The following MAP3K5 variants were observed in gnomAD, a reference collection of about 807,000 sequenced individuals.
The protein encoded by MAP3K5 is mitogen-activated protein kinase kinase kinase 5.
Under a neutral mutation model 158.7 loss-of-function variants are expected in MAP3K5, and 56 were observed. That is an observed-to-expected ratio of 0.35 (90% CI 0.28 to 0.44). The LOEUF is 0.44. MAP3K5 is among the 20% of genes least tolerant of loss of function. MAP3K5 has a pLI of 1.00. For missense variants in MAP3K5, 1,294 were observed against 1,674.8 expected (o/e 0.77, Z 3.97); for synonymous variants, 579 against 601.7 (o/e 0.96, Z 0.55).
intron 21 of MAP3K5, among the ~76,000 whole-genome samples, chr6:136,598,797 C>T (rs1368961416): frequency 2.0e-5 from 3 of 152,042 alleles, no homozygotes; most frequent in Non-Finnish European, 4.4e-5. Context: ...TTGTACTCAT[C>T]TAGAAGGAGA....
chr6:136,737,041 A>ATATATATATATATATATATGTGTGTG (rs1562658974), intron 1 of MAP3K5, among the ~76,000 whole-genome samples: 4 of 143,232 alleles, frequency 2.8e-5, no homozygotes, highest in African/African-American at 1.1e-4. Flanking sequence ...GTGTGTGTAT[A>ATATATATATATATATATATGTGTGTG]TATATATATA....
chr6:136,757,568 T>C (rs1783546836), intron 1 of MAP3K5, among the ~76,000 whole-genome samples: 1 of 113,834 alleles, frequency 8.8e-6, no homozygotes. Flanking sequence ...ATTTTATAGA[T>C]TTATTTATTT....
At chr6:136,671,468 C>T (rs1474443182) in intron 7 of MAP3K5, among the ~76,000 whole-genome samples, 1 of 152,144 alleles carries the variant, frequency 6.6e-6, no homozygotes, top group Non-Finnish European at 1.5e-5. Flanking sequence ...ATTAAAAGAG[C>T]ATGTAGGTAT....
chr6:136,600,994 T>A, intron 21 of MAP3K5, 28 bp downstream of exon 21: 2 of 1,613,174 alleles, frequency 1.2e-6, no homozygotes, highest in Non-Finnish European at 1.7e-6. Flanking sequence ...AGGTCTCAGC[T>A]CAATGGGCAA....
chr6:136,700,855 G>A (rs907917772), intron 3 of MAP3K5, among the ~76,000 whole-genome samples: 3 of 152,098 alleles, frequency 2.0e-5, no homozygotes, highest in African/African-American at 7.2e-5. Flanking sequence ...GAGATACGTG[G>A]GACACCCGAC....
intron 1 of MAP3K5, among the ~76,000 whole-genome samples, chr6:136,790,811 G>A (rs922888180): frequency 1.3e-5 from 2 of 152,170 alleles, no homozygotes; most frequent in African/African-American, 4.8e-5. Context: ...GGGACTAAAG[G>A]TTAATTTCCA....
In MAP3K5 at chr6:136,642,517, T is replaced by TA; in HGVS notation, c.1838+2dup. 1 of 1,605,394 alleles carries TA rather than the reference T, an allele frequency of 6.2e-7. No homozygotes were observed. The highest frequency in any genetic ancestry group is 8.5e-7 in the Non-Finnish European group (1 of 1,172,438). On this transcript the variant is annotated splice_region_variant and intron_variant, in intron 12 of 29. Transcript: ENST00000359015. ...GTTAACAAAATGTACCAAGGAAACT[T>TA]ACCTCACTCCCCTGACAGAAGAGGC...
intron 8 of MAP3K5, among the ~76,000 whole-genome samples, chr6:136,665,154 A>AT (rs1317636984): frequency 2.0e-5 from 3 of 152,102 alleles, no homozygotes; most frequent in East Asian, 3.9e-4. Context: ...TAAAATGTAA[A>AT]TTTTTTTTAA....
At chr6:136,699,290 G>A (rs1028376925) in intron 3 of MAP3K5, among the ~76,000 whole-genome samples, 2 of 151,914 alleles carry the variant, frequency 1.3e-5, no homozygotes, top group Admixed American at 6.6e-5. Flanking sequence ...CCATCTTCTC[G>A]GCCAACACTT....
chr6:136,791,889 C>A lies in MAP3K5; in HGVS notation c.269G>T (p.Arg90Leu). The A allele has an allele frequency of 5.0e-6, 8 of 1,613,402 alleles. No individual in the cohort carries two copies. Among genetic ancestry groups the A allele is most frequent in the Non-Finnish European group, 6.8e-6 (8 of 1,179,950 alleles). ...GTTGATCACATATGCCACCGTGGTCCGTCGGCTGCCCCCGCCAACAGAGCT... is the reference window on the plus strand; with the variant it reads ...GTTGATCACATATGCCACCGTGGTCAGTCGGCTGCCCCCGCCAACAGAGCT... ...RGSSVGGGSR[R>L]TTVAYVINEA... The change falls in exon 1 of 30, where the codon CGG becomes CTG. Residue 90 changes from arginine to leucine, a missense_variant. Physicochemically the swap from Arg to Leu is moderately radical, Grantham distance 102. Coordinates refer to ENST00000359015, the MANE Select transcript of MAP3K5 (RefSeq NM_005923.4).
At chr6:136,629,517 C>T (rs1777215141) in intron 14 of MAP3K5, among the ~76,000 whole-genome samples, 3 of 150,954 alleles carry the variant, frequency 2.0e-5, no homozygotes, top group African/African-American at 4.9e-5. Context: ...TGCAGTGGCA[C>T]AATCTCAGCT....
intron 11 of MAP3K5, among the ~76,000 whole-genome samples, chr6:136,647,181 G>C (rs1258108555): frequency 6.6e-6 from 1 of 152,114 alleles, no homozygotes; most frequent in African/African-American, 2.4e-5. Context: ...TGACCCTCCA[G>C]AGCCTCAGAC....
At chr6:136,770,598 G>C (rs1055140920) in intron 1 of MAP3K5, among the ~76,000 whole-genome samples, 56 of 152,064 alleles carry the variant, frequency 3.7e-4, no homozygotes, top group African/African-American at 1.3e-3. Context: ...AAACTTTATA[G>C]AATAAAATAT....
intron 18 of MAP3K5, among the ~76,000 whole-genome samples, chr6:136,606,095 G>A (rs1413052591): frequency 6.6e-6 from 1 of 152,238 alleles, no homozygotes; most frequent in Admixed American, 6.5e-5. Context: ...GCTCACGCCT[G>A]TAATCCCAGC....
At chr6:136,674,373 C>T (rs1779612746) in intron 7 of MAP3K5, among the ~76,000 whole-genome samples, 1 of 151,764 alleles carries the variant, frequency 6.6e-6, no homozygotes, top group African/African-American at 2.4e-5. Flanking sequence ...GTTCAGGAAG[C>T]AGTAAAATAC....
intron 11 of MAP3K5, among the ~76,000 whole-genome samples, chr6:136,649,788 T>C (rs1778436237): frequency 6.6e-6 from 1 of 152,240 alleles, no homozygotes; most frequent in African/African-American, 2.4e-5. Flanking sequence ...CCAGGCTCTG[T>C]GAAATGCACT....
chr6:136,602,623 G>A (rs1413188315), intron 19 of MAP3K5, among the ~76,000 whole-genome samples: 2 of 152,142 alleles, frequency 1.3e-5, no homozygotes, highest in African/African-American at 4.8e-5. Flanking sequence ...AGACCACTGC[G>A]TTGCTCACAG....
In MAP3K5 at chr6:136,792,091, T is replaced by A; in HGVS notation, c.67A>T (p.Thr23Ser). Residue 23 changes from threonine to serine, a missense_variant, in exon 1 of 30, where the codon ACC (threonine) becomes TCC (serine). Physicochemically the swap from Thr to Ser is moderately conservative, Grantham distance 58. This residue lies in a region of MAP3K5 where 690 missense variants were observed against 870.5 expected (regional missense o/e 0.79). Coordinates refer to ENST00000359015, the MANE Select transcript of MAP3K5 (RefSeq NM_005923.4). This position sits in a 1 kb window ranked among gnomAD's most constrained non-coding sequence, Gnocchi z 5.7. ...VPPFAPSGFC[T>S]IPEGGICRRG... is the part of the protein sequence containing the mutation. ...CTGCAGATGCCGCCCTCGGGGATGG[T>A]GCAGAAGCCCGAGGGGGCGAAGGGT... 1 of 1,582,740 alleles carries A rather than the reference T, an allele frequency of 6.3e-7. No homozygotes were observed. The highest frequency in any genetic ancestry group is 8.6e-7 in the Non-Finnish European group (1 of 1,168,158).
intron 12 of MAP3K5, among the ~76,000 whole-genome samples, chr6:136,640,472 TAA>T (rs1777874323): frequency 6.6e-6 from 1 of 152,204 alleles, no homozygotes; most frequent in South Asian, 2.1e-4. Context: ...TTTTTACTTT[TAA>T]AAGAAACTCT....
Sources: allele counts gnomAD v4.1 joint callset (sites outside exome capture counted in the v4.1 genomes callset), GRCh38; gene constraint gnomAD v4.1.1; regional missense constraint gnomAD v4.1.1; non-coding constraint Gnocchi (gnomAD v3.1); transcripts MANE v1.5; gene names NCBI Gene and HGNC (gene_info 2026-07-23, HGNC 2026-07-21).